UBE2E2: variants seen among roughly 807,000 people sequenced by gnomAD.
UBE2E2 encodes ubiquitin-conjugating enzyme E2 E2.
Under a neutral mutation model 24.7 loss-of-function variants are expected in UBE2E2, and 6 were observed. That is an observed-to-expected ratio of 0.24 (90% CI 0.13 to 0.48). UBE2E2 has a LOEUF of 0.48. Among genes scored for constraint, UBE2E2 ranks in the 20% least tolerant of loss-of-function variants. The probability of loss-of-function intolerance (pLI) is 0.99; values close to 1 mark genes in which losing one functional copy is unlikely to be tolerated. For synonymous variants in UBE2E2, 104 were observed against 83.6 expected, an observed-to-expected ratio of 1.24 and a Z score of -1.33; for missense variants, 169 against 245.0, an observed-to-expected ratio of 0.69 and a Z score of 2.07.
intron 3 of UBE2E2, among the ~76,000 whole-genome samples, chr3:23,477,730 C>T (rs972856220): frequency 1.3e-5 from 2 of 152,054 alleles, no homozygotes; most frequent in Non-Finnish European, 1.5e-5. Context: ...CATGGTGTAC[C>T]TACTGATGTA....
chr3:23,332,718 T>TGTGCGCGC (rs1491331498), intron 3 of UBE2E2, among the ~76,000 whole-genome samples: 19 of 148,370 alleles, frequency 1.3e-4, no homozygotes, highest in Admixed American at 4.0e-4. Context: ...TGTGTGTGTG[T>TGTGCGCGC]GCAGCTATGG....
chr3:23,588,088 T>C (rs1178037958), intron 5 of UBE2E2, among the ~76,000 whole-genome samples: 4 of 152,172 alleles, frequency 2.6e-5, no homozygotes, highest in African/African-American at 4.8e-5. Context: ...TGAGAACATA[T>C]GACCATGAGT....
chr3:23,568,751 G>A (rs1049937722), intron 5 of UBE2E2, among the ~76,000 whole-genome samples: 2 of 130,526 alleles, frequency 1.5e-5, no homozygotes, highest in African/African-American at 3.1e-5. Context: ...ATATATATAT[G>A]TATAACACTT....
At chr3:23,577,004 G>A (rs1408855983) in intron 5 of UBE2E2, among the ~76,000 whole-genome samples, 1 of 151,364 alleles carries the variant, frequency 6.6e-6, no homozygotes, top group East Asian at 1.9e-4. Context: ...GCTCTTTCAT[G>A]TCTCTGTGTC....
chr3:23,448,749 G>T (rs1292878059), intron 3 of UBE2E2, among the ~76,000 whole-genome samples: 1 of 152,154 alleles, frequency 6.6e-6, no homozygotes, highest in African/African-American at 2.4e-5. Context: ...GAAAAGTGCA[G>T]TTTGTAGTAA....
At chr3:23,445,243 C>T (rs1698400548) in intron 3 of UBE2E2, among the ~76,000 whole-genome samples, 2 of 152,200 alleles carry the variant, frequency 1.3e-5, no homozygotes. Flanking sequence ...CTATTCACCT[C>T]ATTGTTGATA....
rs560183875 is a variant in UBE2E2, at chr3:23,458,194, T to C, written c.228-41414T>C. Among the ~76,000 whole-genome samples, 14 of 152,150 alleles carry C rather than the reference T, an allele frequency of 9.2e-5. No individual in the cohort carries two copies. The East Asian group carries it at 1.7e-3, about 19-fold the overall frequency. On this transcript the variant is annotated intron_variant, in intron 3 of 5. Coordinates refer to ENST00000396703, the MANE Select transcript of UBE2E2 (RefSeq NM_152653.4). Reference sequence around the variant, plus strand: ...CTTTCATTTGAACACTTAGAGGCTATTGTAGACCTAATTTCAGTATTGTTG... The same window carrying C: ...CTTTCATTTGAACACTTAGAGGCTACTGTAGACCTAATTTCAGTATTGTTG...
chr3:23,351,830 C>A (rs974420095), intron 3 of UBE2E2, among the ~76,000 whole-genome samples: 5 of 152,124 alleles, frequency 3.3e-5, no homozygotes, highest in Admixed American at 3.3e-4. Flanking sequence ...ATCAACGAGA[C>A]AGAAAGTTAA....
intron 3 of UBE2E2, among the ~76,000 whole-genome samples, chr3:23,429,208 T>C (rs1697999616): frequency 1.3e-5 from 2 of 152,104 alleles, no homozygotes; most frequent in Admixed American, 6.6e-5. Context: ...TTCTGTACAT[T>C]AAAGAAGAAA....
intron 5 of UBE2E2, among the ~76,000 whole-genome samples, chr3:23,575,227 G>A (rs1360633162): frequency 2.6e-5 from 4 of 152,112 alleles, no homozygotes; most frequent in Non-Finnish European, 5.9e-5. Context: ...CATTCAGAAT[G>A]CTTACCAATA....
chr3:23,477,150 A>C (rs1455582947), intron 3 of UBE2E2, among the ~76,000 whole-genome samples: 1 of 151,080 alleles, frequency 6.6e-6, no homozygotes, highest in African/African-American at 2.5e-5. Context: ...TACATGAATT[A>C]GGACAAAATT....
At chr3:23,515,120 GGT>G (rs58387270) in intron 4 of UBE2E2, among the ~76,000 whole-genome samples, 25,870 of 147,754 alleles carry the variant, frequency 0.18, 2,684 homozygotes, top group African/African-American at 0.31. Context: ...ATAAACTTGG[GGT>G]GTGTGTGTGT....
chr3:23,378,264 T>C (rs1444934439), intron 3 of UBE2E2, among the ~76,000 whole-genome samples: 1 of 142,004 alleles, frequency 7.0e-6, no homozygotes, highest in Non-Finnish European at 1.6e-5. Flanking sequence ...AAAAAAATAC[T>C]GCAGTTTATT....
At chr3:23,576,521 A>C (rs1332497421) in intron 5 of UBE2E2, among the ~76,000 whole-genome samples, 1 of 152,210 alleles carries the variant, frequency 6.6e-6, no homozygotes, top group African/African-American at 2.4e-5. Context: ...ACTTCCTAGT[A>C]ATCCTTGAGT....
chr3:23,351,937 TC>T (rs1189887734), intron 3 of UBE2E2, among the ~76,000 whole-genome samples: 4 of 152,224 alleles, frequency 2.6e-5, no homozygotes, highest in Admixed American at 2.6e-4. Flanking sequence ...TACATTTTTT[TC>T]AGCACCACAC....
At chr3:23,216,014 G>A (rs928477692) in intron 2 of UBE2E2, among the ~76,000 whole-genome samples, 3 of 152,170 alleles carry the variant, frequency 2.0e-5, no homozygotes, top group Non-Finnish European at 2.9e-5. Flanking sequence ...AGATCACGGA[G>A]TTTGTTCTAG....
At chr3:23,287,867 C>T (rs1698661225) in intron 3 of UBE2E2, among the ~76,000 whole-genome samples, 1 of 142,444 alleles carries the variant, frequency 7.0e-6, no homozygotes, top group Admixed American at 7.1e-5. Context: ...AATTTTCTTT[C>T]TCTTTTCTAA....
chr3:23,290,848 A>G (rs1422402854), intron 3 of UBE2E2, among the ~76,000 whole-genome samples: 1 of 145,686 alleles, frequency 6.9e-6, no homozygotes, highest in East Asian at 2.0e-4. Context: ...TCAGTCCAGG[A>G]GTTCAACATC....
chr3:23,576,148 G>C (rs1356045337), intron 5 of UBE2E2, among the ~76,000 whole-genome samples: 1 of 151,996 alleles, frequency 6.6e-6, no homozygotes, highest in African/African-American at 2.4e-5. Flanking sequence ...TTATTATAAT[G>C]CACATCTGTT....
Sources: gnomAD v4.1 joint callset for allele counts (sites outside exome capture counted in the v4.1 genomes callset) on GRCh38, gnomAD v4.1.1 for gene constraint, MANE v1.5 for transcripts, NCBI Gene and HGNC (gene_info 2026-07-23, HGNC 2026-07-21) for gene names.